The following CHST8 variants were observed in gnomAD, a reference collection of about 807,000 sequenced individuals.
The protein encoded by CHST8 is GALNAC-4-ST1.
In CHST8, 10 loss-of-function variants were observed where a neutral mutation model predicts 15.0. The observed-to-expected ratio is 0.67, with a 90% CI of 0.41 to 1.13. The LOEUF is 1.13. Ranked by LOEUF, CHST8 falls within the 50% of genes most tolerant of loss-of-function variation. CHST8 has a pLI of 0.00. For synonymous variants in CHST8, 259 were observed against 256.6 expected (o/e 1.01, Z -0.09); for missense variants, 634 against 608.2 (o/e 1.04, Z -0.45).
chr19:33,712,798 C>T (rs913234095), intron 3 of CHST8, among the ~76,000 whole-genome samples: 1 of 152,252 alleles, frequency 6.6e-6, no homozygotes, highest in South Asian at 2.1e-4. Flanking sequence ...AGTCTCAAAA[C>T]CCCCACCCCC....
rs1361142083 is a variant in CHST8, at chr19:33,684,558, C to CGCCGCT, written c.-86-4614_-86-4609dup. On this transcript the variant is annotated intron_variant, in intron 2 of 4. Transcript: ENST00000650847. ...TCGTCCCAGAGTTTGCTGCCGCCGC[C>CGCCGCT]GCCGCTGCCATTAGAGCGGTTTTAA... is the stretch of plus-strand genomic sequence containing the variant. The CGCCGCT allele has an allele frequency of 1.8e-4, 27 of 152,702 alleles. No individual in the cohort carries two copies. The South Asian group carries it at 4.3e-3, about 24-fold the overall frequency. The allele number at this position is 152,702 out of a possible 1,614,324, so 9.5% of individuals were successfully genotyped here. A position where few individuals can be genotyped will look rare whatever the true frequency, so the allele number is the denominator to read the frequency against.
chr19:33,701,212 G>A (rs978869845), intron 3 of CHST8, among the ~76,000 whole-genome samples: 1 of 152,104 alleles, frequency 6.6e-6, no homozygotes, highest in Admixed American at 6.6e-5. Context: ...CCCCTTAGCA[G>A]TGCCATCCTG....
intron 3 of CHST8, among the ~76,000 whole-genome samples, chr19:33,767,198 C>T (rs919822263): frequency 9.2e-5 from 14 of 152,244 alleles, no homozygotes; most frequent in African/African-American, 3.4e-4. Context: ...GCAGTTGGGT[C>T]CTGTCCTCAC....
rs368534578 is a variant in CHST8, at chr19:33,635,752, T to C, written c.-164+13456T>C. On this transcript the variant is annotated intron_variant, in intron 1 of 4. Coordinates refer to ENST00000650847, the MANE Select transcript of CHST8 (RefSeq NM_001127895.2). ...CAAGGGCATAAGGCGATGGTCAGGG[T>C]TCACTGGAGAGCTATGGAAGGCTTC... Among the ~76,000 whole-genome samples, 74 of 152,218 alleles carry C rather than the reference T, an allele frequency of 4.9e-4. No homozygotes were observed. In the East Asian group the frequency reaches 0.013, roughly 27 times the overall value.
At chr19:33,735,351 CCGT>C (rs1974063342) in intron 3 of CHST8, among the ~76,000 whole-genome samples, 6 of 152,220 alleles carry the variant, frequency 3.9e-5, no homozygotes, top group African/African-American at 1.2e-4. Context: ...GATGGGGAAG[CCGT>C]CAAATGCACC....
At chr19:33,637,127 C>T (rs1365884766) in intron 1 of CHST8, among the ~76,000 whole-genome samples, 6 of 152,190 alleles carry the variant, frequency 3.9e-5, no homozygotes, top group Non-Finnish European at 8.8e-5. Context: ...GTGAGGTCGA[C>T]CAGAGGTCAC....
intron 3 of CHST8, among the ~76,000 whole-genome samples, chr19:33,761,794 C>CTAT (rs1974734539): frequency 6.6e-6 from 1 of 151,678 alleles, no homozygotes; most frequent in Non-Finnish European, 1.5e-5. Flanking sequence ...GCCATGACCA[C>CTAT]GGCACTCCAG....
At chr19:33,676,350 G>A (rs1191336678) in intron 2 of CHST8, among the ~76,000 whole-genome samples, 2 of 152,064 alleles carry the variant, frequency 1.3e-5, no homozygotes, top group South Asian at 2.1e-4. Context: ...CAGGCGGATC[G>A]CTTGAGGCCA....
chr19:33,627,698 A>G (rs79894698), intron 1 of CHST8, among the ~76,000 whole-genome samples: 15,610 of 152,236 alleles, frequency 0.1, 996 homozygotes, highest in East Asian at 0.19. Context: ...AGAATCATCA[A>G]CGTTGAAACC....
chr19:33,726,820 G>T, intron 3 of CHST8, among the ~76,000 whole-genome samples: 1 of 152,034 alleles, frequency 6.6e-6, no homozygotes, highest in Non-Finnish European at 1.5e-5. Flanking sequence ...GAAAGGGGCT[G>T]AGGGGACAGT....
At chr19:33,623,287 G>A (rs1317021132) in intron 1 of CHST8, among the ~76,000 whole-genome samples, 6 of 152,346 alleles carry the variant, frequency 3.9e-5, no homozygotes, top group Non-Finnish European at 2.9e-5. Context: ...GGGGCTCTCT[G>A]TCCTGCAGTC....
chr19:33,766,811 G>C (rs139895866), intron 3 of CHST8, among the ~76,000 whole-genome samples: 2,147 of 152,352 alleles, frequency 0.014, 26 homozygotes, highest in Middle Eastern at 0.024. Flanking sequence ...GGAAGTGGAC[G>C]TGGAGTGGAC....
intron 3 of CHST8, among the ~76,000 whole-genome samples, chr19:33,707,025 G>T (rs532888079): frequency 3.3e-5 from 5 of 152,134 alleles, no homozygotes; most frequent in Non-Finnish European, 7.4e-5. Flanking sequence ...AAGGTGATGG[G>T]GACTTTCTGG....
At chr19:33,677,310 A>G (rs1415653340) in intron 2 of CHST8, among the ~76,000 whole-genome samples, 1 of 152,146 alleles carries the variant, frequency 6.6e-6, no homozygotes, top group Non-Finnish European at 1.5e-5. Flanking sequence ...AGGGATCATA[A>G]TGGTTTACAC....
chr19:33,688,184 C>G (rs1973022118), intron 2 of CHST8, among the ~76,000 whole-genome samples: 1 of 152,250 alleles, frequency 6.6e-6, no homozygotes, highest in African/African-American at 2.4e-5. Flanking sequence ...CCTCTCTACA[C>G]ACCACTGCAG....
At chr19:33,724,025 G>A (rs982703979) in intron 3 of CHST8, among the ~76,000 whole-genome samples, 1 of 152,164 alleles carries the variant, frequency 6.6e-6, no homozygotes, top group Admixed American at 6.5e-5. Flanking sequence ...CTGAGTGTGG[G>A]TACTTTCCTC....
intron 2 of CHST8, among the ~76,000 whole-genome samples, chr19:33,671,242 A>G (rs1408404521): frequency 6.6e-6 from 1 of 152,200 alleles, no homozygotes; most frequent in Non-Finnish European, 1.5e-5. Context: ...GCATCAAAGT[A>G]AAAACTATGT....
chr19:33,670,402 A>T (rs1396714941), intron 2 of CHST8, among the ~76,000 whole-genome samples: 1 of 152,212 alleles, frequency 6.6e-6, no homozygotes, highest in African/African-American at 2.4e-5. Flanking sequence ...TTCAAAATTG[A>T]TCATTCTGAA....
intron 1 of CHST8, among the ~76,000 whole-genome samples, chr19:33,642,415 C>T (rs937100695): frequency 1.6e-4 from 24 of 151,848 alleles, no homozygotes; most frequent in Non-Finnish European, 2.1e-4. Flanking sequence ...CAGGCTGGAG[C>T]GCAGTGGCAC....
Sources: allele counts gnomAD v4.1 joint callset (sites outside exome capture counted in the v4.1 genomes callset), GRCh38; gene constraint gnomAD v4.1.1; transcripts MANE v1.5; gene names NCBI Gene and HGNC (gene_info 2026-07-23, HGNC 2026-07-21).